DCDC1: variants seen among roughly 807,000 people sequenced by gnomAD.
DCDC1 encodes doublecortin domain containing 1, also known as doublecortin domain-containing protein 1.
A neutral mutation model predicts 178.3 loss-of-function variants in DCDC1; 200 were observed. The observed-to-expected ratio is 1.12, with a 90% CI of 1.00 to 1.26. The LOEUF is 1.26. DCDC1 is among the 50% of genes most tolerant of loss of function. The probability of loss-of-function intolerance (pLI) is 0.00; values close to 1 mark genes in which losing one functional copy is unlikely to be tolerated. For missense variants in DCDC1, 1,983 were observed against 1,749.2 expected (o/e 1.13, Z -2.38); for synonymous variants, 690 against 604.8 (o/e 1.14, Z -2.07).
At chr11:31,036,761 A>C (rs1954060919) in intron 20 of DCDC1, among the ~76,000 whole-genome samples, 1 of 152,236 alleles carries the variant, frequency 6.6e-6, no homozygotes, top group South Asian at 2.1e-4. Flanking sequence ...CAGAACCTGC[A>C]GATACATAGA....
intron 20 of DCDC1, among the ~76,000 whole-genome samples, chr11:31,032,045 T>C (rs1186672324): frequency 2.6e-5 from 4 of 152,140 alleles, no homozygotes; most frequent in African/African-American, 9.7e-5. Context: ...AATAATACAA[T>C]AAAGAAATAG....
intron 25 of DCDC1, among the ~76,000 whole-genome samples, chr11:30,919,495 T>G (rs187921739): frequency 6.6e-6 from 1 of 151,710 alleles, no homozygotes; most frequent in African/African-American, 2.4e-5. Flanking sequence ...AAATGTTTCT[T>G]TTTTCTTACT....
chr11:30,994,259 G>A (rs748906582), intron 20 of DCDC1, among the ~76,000 whole-genome samples: 30 of 152,026 alleles, frequency 2.0e-4, no homozygotes, highest in East Asian at 5.8e-4. Flanking sequence ...AAATGCATTC[G>A]TAATAAAAAT....
intron 9 of DCDC1, among the ~76,000 whole-genome samples, chr11:31,208,724 T>C (rs1302536053): frequency 6.6e-6 from 1 of 152,104 alleles, no homozygotes; most frequent in African/African-American, 2.4e-5. Flanking sequence ...GCTCCTCAAA[T>C]GCACCACTCT....
chr11:30,876,487 G>A (rs1306561156), intron 38 of DCDC1, among the ~76,000 whole-genome samples: 3 of 152,190 alleles, frequency 2.0e-5, no homozygotes, highest in Non-Finnish European at 4.4e-5. Context: ...TACAAAGTAA[G>A]TGTCGCTGCC....
intron 20 of DCDC1, among the ~76,000 whole-genome samples, chr11:30,987,350 A>G (rs1950712024): frequency 6.6e-6 from 1 of 152,128 alleles, no homozygotes; most frequent in Non-Finnish European, 1.5e-5. Flanking sequence ...GAAAACCACA[A>G]ATGAAACTGA....
chr11:31,321,476 G>A (rs919607290), intron 3 of DCDC1, among the ~76,000 whole-genome samples: 10 of 152,108 alleles, frequency 6.6e-5, no homozygotes, highest in Middle Eastern at 3.4e-3. Flanking sequence ...GACCCCTTGC[G>A]CTTCCCAGGT....
rs567147575 is a variant in DCDC1, at chr11:31,044,265, C to T, written c.2591+20204G>A. Among the ~76,000 whole-genome samples the T allele has an allele frequency of 2.6e-5, 4 of 152,146 alleles. No homozygotes were observed. The East Asian group carries it at 7.7e-4, about 29-fold the overall frequency. ...GGCCAAGGCTGGCGGATCACAAAGTCAGGAGATGGAGACCATCCTGGCTAA... is the reference window on the plus strand; with the variant it reads ...GGCCAAGGCTGGCGGATCACAAAGTTAGGAGATGGAGACCATCCTGGCTAA... On this transcript the variant is annotated intron_variant, in intron 20 of 38. Transcript: ENST00000684477.
chr11:30,880,137 A>T (rs977353661), intron 37 of DCDC1, among the ~76,000 whole-genome samples: 1 of 152,170 alleles, frequency 6.6e-6, no homozygotes, highest in East Asian at 1.9e-4. Flanking sequence ...TGATAATAAG[A>T]ACCTCATCAT....
intron 20 of DCDC1, among the ~76,000 whole-genome samples, chr11:31,046,086 G>A (rs1272119313): frequency 6.6e-6 from 1 of 152,126 alleles, no homozygotes; most frequent in African/African-American, 2.4e-5. Context: ...ACACTAGACT[G>A]TTCAATCACA....
intron 9 of DCDC1, among the ~76,000 whole-genome samples, chr11:31,174,878 A>G (rs1404961215): frequency 6.6e-6 from 1 of 152,068 alleles, no homozygotes; most frequent in Non-Finnish European, 1.5e-5. Flanking sequence ...TGGCCAATAA[A>G]GCTCCTCTTC....
chr11:31,211,225 CCTA>C (rs1972497247), intron 9 of DCDC1, among the ~76,000 whole-genome samples: 1 of 152,138 alleles, frequency 6.6e-6, no homozygotes, highest in Non-Finnish European at 1.5e-5. Context: ...TTCAAACTAT[CCTA>C]ACCATAAAAT....
intron 20 of DCDC1, among the ~76,000 whole-genome samples, chr11:31,011,501 G>T (rs1218316171): frequency 6.6e-6 from 1 of 152,134 alleles, no homozygotes; most frequent in African/African-American, 2.4e-5. Context: ...ACCAATAACT[G>T]TGAAAAGATG....
At chr11:31,221,783 T>C (rs1403604697) in intron 9 of DCDC1, among the ~76,000 whole-genome samples, 1 of 152,214 alleles carries the variant, frequency 6.6e-6, no homozygotes, top group Admixed American at 6.5e-5. Context: ...TTCCTCATTT[T>C]TTGCAATATG....
chr11:30,953,535 A>G (rs1187162306), intron 20 of DCDC1, among the ~76,000 whole-genome samples: 1 of 152,046 alleles, frequency 6.6e-6, no homozygotes, highest in Non-Finnish European at 1.5e-5. Context: ...CATTCAACTC[A>G]AATTATTATT....
chr11:30,868,335 C>T (rs547594212), intron 38 of DCDC1, among the ~76,000 whole-genome samples: 22 of 149,080 alleles, frequency 1.5e-4, no homozygotes, highest in Non-Finnish European at 2.7e-4. Flanking sequence ...ACTGCAGCCT[C>T]CGCCTCCCGG....
chr11:31,169,617 T>C (rs1485612143), intron 9 of DCDC1, among the ~76,000 whole-genome samples: 4 of 152,176 alleles, frequency 2.6e-5, no homozygotes, highest in Non-Finnish European at 4.4e-5. Context: ...AAAAGGGCAG[T>C]TGAGTTGTTC....
chr11:31,261,832 A>T (rs1944807267), intron 8 of DCDC1, among the ~76,000 whole-genome samples: 1 of 152,194 alleles, frequency 6.6e-6, no homozygotes, highest in Admixed American at 6.5e-5. Context: ...GGATAGATTT[A>T]TACAAGAACC....
chr11:31,347,111 A>AT (rs1950855827), intron 1 of DCDC1, among the ~76,000 whole-genome samples: 1 of 152,222 alleles, frequency 6.6e-6, no homozygotes, highest in Non-Finnish European at 1.5e-5. Flanking sequence ...GTTCTAGACA[A>AT]TAACTACCTC....
Sources: gnomAD v4.1 joint callset for allele counts (sites outside exome capture counted in the v4.1 genomes callset) on GRCh38, gnomAD v4.1.1 for gene constraint, MANE v1.5 for transcripts, NCBI Gene and HGNC (gene_info 2026-07-23, HGNC 2026-07-21) for gene names.